OPHN1: variants seen among roughly 807,000 people sequenced by gnomAD.
The protein encoded by OPHN1 is oligophrenin-1.
A neutral mutation model predicts 60.7 loss-of-function variants in OPHN1; 11 were observed. That is an observed-to-expected ratio of 0.18 (90% CI 0.11 to 0.30). The LOEUF is 0.30. Ranked by LOEUF, OPHN1 falls within the 10% of genes least tolerant of loss-of-function variation. The pLI is 1.00. For missense variants in OPHN1, 449 were observed against 611.0 expected (o/e 0.73, Z 2.80); for synonymous variants, 226 against 222.6 (o/e 1.02, Z -0.14).
chrX:68,117,745 T>C (rs1281618958), intron 16 of OPHN1, among the ~76,000 whole-genome samples: 1 of 111,214 alleles, frequency 9.0e-6, no homozygotes, highest in African/African-American at 3.3e-5. Flanking sequence ...ACAGCTATCT[T>C]TGAGAATTCT....
intron 5 of OPHN1, among the ~76,000 whole-genome samples, chrX:68,235,980 T>C (rs1273271493): frequency 9.1e-6 from 1 of 109,945 alleles, no homozygotes; most frequent in Non-Finnish European, 1.9e-5. Flanking sequence ...CCAGGCACTA[T>C]GATAGACACT....
intron 15 of OPHN1, among the ~76,000 whole-genome samples, chrX:68,121,172 G>T (rs1160214127): frequency 8.9e-6 from 1 of 112,229 alleles, no homozygotes; most frequent in Non-Finnish European, 1.9e-5. Flanking sequence ...CTTCTGCAAA[G>T]AAATGGAAAC....
chrX:68,431,290 C>T (rs1043153147), intron 2 of OPHN1, among the ~76,000 whole-genome samples: 9 of 111,938 alleles, frequency 8.0e-5, no homozygotes, highest in Non-Finnish European at 1.5e-4. Context: ...GCAGGAACTT[C>T]GACAGTGTAC....
At chrX:68,200,186 TG>T (rs766134921) in intron 11 of OPHN1, among the ~76,000 whole-genome samples, 1 of 110,500 alleles carries the variant, frequency 9.0e-6, no homozygotes, top group Non-Finnish European at 1.9e-5. Flanking sequence ...ACTGGTAAAA[TG>T]GGGGGGGTGT....
chrX:68,256,120 T>C (rs1312136066), intron 5 of OPHN1, among the ~76,000 whole-genome samples: 1 of 110,614 alleles, frequency 9.0e-6, no homozygotes, highest in Non-Finnish European at 1.9e-5. Context: ...CTTGAGGAGG[T>C]AGTGTCTGAT....
chrX:68,369,296 AG>A (rs2078515233), intron 2 of OPHN1, among the ~76,000 whole-genome samples: 1 of 111,609 alleles, frequency 9.0e-6, no homozygotes, highest in Admixed American at 9.6e-5. Context: ...AAACCAGCCC[AG>A]GCAACATAGC....
chrX:68,328,104 C>T (rs1369239564), intron 2 of OPHN1, among the ~76,000 whole-genome samples: 1 of 99,071 alleles, frequency 1.0e-5, no homozygotes, highest in African/African-American at 3.9e-5. Context: ...GCTGGGATTA[C>T]AGGCGTGAGC....
intron 15 of OPHN1, among the ~76,000 whole-genome samples, chrX:68,137,190 A>T (rs767380867): frequency 8.9e-6 from 1 of 111,843 alleles, no homozygotes; most frequent in South Asian, 3.8e-4. Context: ...GGAAACACAT[A>T]TATAAAGAGC....
chrX:68,188,060 G>A (rs1203228243), intron 15 of OPHN1, among the ~76,000 whole-genome samples: 1 of 112,166 alleles, frequency 8.9e-6, no homozygotes, highest in African/African-American at 3.2e-5. Flanking sequence ...CAGAAACCCT[G>A]CAGCAGGAAG....
chrX:68,253,397 A>G (rs188977748), intron 5 of OPHN1, among the ~76,000 whole-genome samples: 30 of 111,475 alleles, frequency 2.7e-4, no homozygotes, highest in African/African-American at 9.1e-4. Flanking sequence ...AGCTCTGCCC[A>G]AAATATTATA....
chrX:68,341,466 T>C (rs1424493531), intron 2 of OPHN1, among the ~76,000 whole-genome samples: 2 of 111,457 alleles, frequency 1.8e-5, no homozygotes, highest in African/African-American at 6.5e-5. Context: ...GCAAACTCTA[T>C]AGGTCAAACT....
At chrX:68,393,125 C>T (rs2078662075) in intron 2 of OPHN1, among the ~76,000 whole-genome samples, 1 of 112,129 alleles carries the variant, frequency 8.9e-6, no homozygotes, top group African/African-American at 3.2e-5. Context: ...CTGCATGCTC[C>T]GCTTCCCGTA....
At chrX:68,229,358 A>G in intron 6 of OPHN1, among the ~76,000 whole-genome samples, 1 of 112,117 alleles carries the variant, frequency 8.9e-6, no homozygotes, top group Non-Finnish European at 1.9e-5. Flanking sequence ...TATAGATTCA[A>G]TGCCATCTCC....
intron 15 of OPHN1, among the ~76,000 whole-genome samples, chrX:68,167,338 G>C (rs940660311): frequency 7.2e-5 from 8 of 111,508 alleles, no homozygotes; most frequent in African/African-American, 2.6e-4. Context: ...GTAAAAGACA[G>C]GAAGTAACAA....
intron 6 of OPHN1, among the ~76,000 whole-genome samples, chrX:68,219,854 C>CA (rs1331340282): frequency 2.0e-5 from 2 of 101,331 alleles, no homozygotes; most frequent in African/African-American, 3.6e-5. Flanking sequence ...GTCACCCTAA[C>CA]ATCACAATTA....
chrX:68,373,490 C>T (rs895821959), intron 2 of OPHN1, among the ~76,000 whole-genome samples: 4 of 111,171 alleles, frequency 3.6e-5, no homozygotes, highest in African/African-American at 1.3e-4. Context: ...ACTCTGGCCT[C>T]AGTTCCCCTC....
intron 2 of OPHN1, among the ~76,000 whole-genome samples, chrX:68,384,049 G>C (rs2078611913): frequency 9.0e-6 from 1 of 111,538 alleles, no homozygotes; most frequent in African/African-American, 3.3e-5. Context: ...AGAAGCTGGT[G>C]ATTATACTTG....
chrX:68,172,699 C>G (rs1375991302), intron 15 of OPHN1, among the ~76,000 whole-genome samples: 12 of 111,316 alleles, frequency 1.1e-4, no homozygotes, highest in African/African-American at 3.9e-4. Context: ...GATATATCTG[C>G]AAAAGAATTG....
chrX:68,083,234 G>A (rs933755564), intron 19 of OPHN1, among the ~76,000 whole-genome samples: 2 of 102,933 alleles, frequency 1.9e-5, no homozygotes, highest in South Asian at 4.8e-4. Flanking sequence ...CACTGCGCCC[G>A]GCTAATTTTT....
Sources: allele counts gnomAD v4.1 joint callset (sites outside exome capture counted in the v4.1 genomes callset), GRCh38; gene constraint gnomAD v4.1.1; transcripts MANE v1.5; gene names NCBI Gene and HGNC (gene_info 2026-07-23, HGNC 2026-07-21).